COL13A1: variants seen among roughly 807,000 people sequenced by gnomAD.
COL13A1 encodes collagen type XIII alpha 1 chain.
In COL13A1, 89 loss-of-function variants were observed where a neutral mutation model predicts 130.9. The observed-to-expected ratio is 0.68, with a 90% CI of 0.57 to 0.81. The LOEUF (loss-of-function observed/expected upper bound fraction) is 0.81. Among genes scored for constraint, COL13A1 ranks in the 30% least tolerant of loss-of-function variants. The pLI, the probability that COL13A1 is intolerant of heterozygous loss-of-function variation, is 0.00. For synonymous variants in COL13A1, 402 were observed against 341.6 expected (o/e 1.18, Z -1.95); for missense variants, 879 against 934.6 (o/e 0.94, Z 0.78).
intron 14 of COL13A1, among the ~76,000 whole-genome samples, chr10:69,900,409 A>C (rs2062069912): frequency 6.6e-6 from 1 of 152,206 alleles, no homozygotes; most frequent in African/African-American, 2.4e-5. Flanking sequence ...AGGCCACTGC[A>C]TGTTACTGCC....
At chr10:69,831,951 GAC>G (rs1027827610) in intron 2 of COL13A1, among the ~76,000 whole-genome samples, 3 of 152,170 alleles carry the variant, frequency 2.0e-5, no homozygotes, top group East Asian at 1.9e-4. Flanking sequence ...TGTGGGGCCC[GAC>G]ACACACTTGG....
In COL13A1 at chr10:69,905,730, A is replaced by G. The variant is rs937822465; in HGVS notation, c.886-57A>G. The G allele has an allele frequency of 6.3e-6, 10 of 1,590,052 alleles. No individual in the cohort carries two copies. In the African/African-American group the frequency reaches 8.1e-5, roughly 13 times the overall value. On this transcript the variant is annotated intron_variant, in intron 16 of 40. Transcript: ENST00000645393. ...GATGGTATTGTGTGGGGAACAGCAC[A>G]AGTCAAAGTTTGGCAGTGGGAAAAC...
At chr10:69,882,490 T>G (rs1343013014) in intron 7 of COL13A1, among the ~76,000 whole-genome samples, 15 of 152,254 alleles carry the variant, frequency 9.9e-5, no homozygotes, top group Non-Finnish European at 2.1e-4. Flanking sequence ...AATGACAGCT[T>G]CTGTTTCCCA....
intron 5 of COL13A1, among the ~76,000 whole-genome samples, chr10:69,875,701 G>C (rs2059506474): frequency 6.6e-6 from 1 of 152,264 alleles, no homozygotes; most frequent in South Asian, 2.1e-4. Context: ...TTGCAGGAAA[G>C]TGAAGATAGA....
At position 69,956,647 on chromosome 10, in the gene COL13A1, C is replaced by T. The variant is rs556734694; in HGVS notation, c.2146-357C>T. 6 of 227,076 alleles carry T rather than the reference C, an allele frequency of 2.6e-5. No homozygotes were observed. The East Asian group carries it at 5.1e-4, about 19-fold the overall frequency. 14.1% of individuals were successfully genotyped at this position (227,076 alleles called of 1,614,324 possible). Reference sequence around the variant, plus strand: ...GGTTTTATGGAGGAGGAAACTGAGGCCGCCTTGTGCTGAGTGGCTTACCCG... The same window carrying T: ...GGTTTTATGGAGGAGGAAACTGAGGTCGCCTTGTGCTGAGTGGCTTACCCG... On this transcript the variant is annotated intron_variant, in intron 39 of 40. Transcript: ENST00000645393.
chr10:69,816,940 G>T (rs141451382), intron 1 of COL13A1, among the ~76,000 whole-genome samples: 1 of 152,126 alleles, frequency 6.6e-6, no homozygotes, highest in Non-Finnish European at 1.5e-5. Flanking sequence ...GTCAAAAGAG[G>T]ATTATTCTCT....
chr10:69,922,889 C>T, intron 23 of COL13A1, 95 bp downstream of exon 23: 1 of 747,088 alleles, frequency 1.3e-6, no homozygotes, highest in South Asian at 2.4e-5. Context: ...GACATCCCGC[C>T]TTCTCTAGCC....
intron 37 of COL13A1, among the ~76,000 whole-genome samples, chr10:69,945,952 C>G (rs1257331980): frequency 6.6e-6 from 1 of 152,086 alleles, no homozygotes; most frequent in Non-Finnish European, 1.5e-5. Flanking sequence ...GCACCTGTAT[C>G]CCAGCTACTC....
At chr10:69,847,244 G>A (rs1414808041) in intron 2 of COL13A1, among the ~76,000 whole-genome samples, 1 of 152,168 alleles carries the variant, frequency 6.6e-6, no homozygotes, top group African/African-American at 2.4e-5. Context: ...GTGAAATGAT[G>A]TGTCTGTGTA....
intron 1 of COL13A1, among the ~76,000 whole-genome samples, chr10:69,812,808 A>G (rs567728182): frequency 3.5e-4 from 54 of 152,366 alleles, no homozygotes; most frequent in African/African-American, 1.3e-3. Flanking sequence ...GCTCCTAAGA[A>G]GTGCATTATT....
intron 2 of COL13A1, among the ~76,000 whole-genome samples, chr10:69,855,958 T>C (rs970430171): frequency 2.6e-5 from 4 of 152,248 alleles, no homozygotes; most frequent in Admixed American, 2.6e-4. Flanking sequence ...CATCCATTCA[T>C]TTAATTACTC....
chr10:69,857,412 G>A (rs55740282), intron 2 of COL13A1, among the ~76,000 whole-genome samples: 45,414 of 151,956 alleles, frequency 0.3, 7,085 homozygotes, highest in East Asian at 0.35. Context: ...TAAGGGCCTG[G>A]TACTGGTTCA....
intron 39 of COL13A1, chr10:69,954,998 C>T (rs987052858): frequency 1.3e-5 from 2 of 152,288 alleles, no homozygotes; most frequent in Admixed American, 6.5e-5. Context: ...ACACTTCACT[C>T]CAAGGCTCAA....
chr10:69,908,940 C>T (rs1326274729), intron 17 of COL13A1, among the ~76,000 whole-genome samples: 1 of 152,100 alleles, frequency 6.6e-6, no homozygotes, highest in Admixed American at 6.5e-5. Flanking sequence ...TCGCCAGATG[C>T]CTTGGGAGGG....
rs1294184402 is a variant in COL13A1 at position 69,931,354 on chromosome 10, C to T, written c.1683+802C>T. ...GCCTAGTGGGTGCCTGACACTGTGA[C>T]GAGGCTGCCCTAATCCCAAGCCTGC... is the stretch of plus-strand genomic sequence containing the variant. On this transcript the variant is annotated intron_variant, in intron 30 of 40. Transcript: ENST00000645393. The T allele has an allele frequency of 1.1e-5, 4 of 378,754 alleles. No individual in the cohort carries two copies. The East Asian group carries it at 2.3e-4, about 22-fold the overall frequency. The allele number at this position is 378,754 out of a possible 1,614,324, so 23.5% of individuals were successfully genotyped here.
intron 2 of COL13A1, chr10:69,824,058 G>A: frequency 2.1e-6 from 1 of 471,164 alleles, no homozygotes; most frequent in Non-Finnish European, 4.4e-6. Flanking sequence ...AAGCCACAGA[G>A]GATGTAGGTT....
At chr10:69,846,241 CA>C (rs1362809143) in intron 2 of COL13A1, among the ~76,000 whole-genome samples, 1 of 152,160 alleles carries the variant, frequency 6.6e-6, no homozygotes, top group Non-Finnish European at 1.5e-5. Flanking sequence ...GGTCCCAAGA[CA>C]GGGTCCTGGA....
At chr10:69,944,312 C>T (rs1260959066) in intron 36 of COL13A1, 134 bp downstream of exon 36, 5 of 776,114 alleles carry the variant, frequency 6.4e-6, no homozygotes, top group Admixed American at 4.1e-5. Context: ...CAGCCTGGGA[C>T]AGGGGGTGCT....
At position 69,909,527 on chromosome 10, in the gene COL13A1, G is replaced by A. The variant is rs1393439070; in HGVS notation, c.921+3705G>A. Among the ~76,000 whole-genome samples the A allele has an allele frequency of 3.3e-5, 5 of 152,332 alleles. 2 individuals are homozygous for A. The highest frequency in any genetic ancestry group is 3.3e-4 in the Admixed American group (5 of 15,308). ...GGCTGGTCTGGGCACCCTTTCCTCTGTTCTGGCCTTTACTCTGCTGGGACC... is the reference window on the plus strand; with the variant it reads ...GGCTGGTCTGGGCACCCTTTCCTCTATTCTGGCCTTTACTCTGCTGGGACC... On this transcript the variant is annotated intron_variant, in intron 17 of 40. Transcript: ENST00000645393.
Sources: gnomAD v4.1 joint callset for allele counts (sites outside exome capture counted in the v4.1 genomes callset) on GRCh38, gnomAD v4.1.1 for gene constraint, MANE v1.5 for transcripts, NCBI Gene and HGNC (gene_info 2026-07-23, HGNC 2026-07-21) for gene names.